C13orf46: variants seen among roughly 807,000 people sequenced by gnomAD.
C13orf46 encodes chromosome 13 open reading frame 46.
chr13:113,934,943 G>A, the C13orf46 span, among the ~76,000 whole-genome samples: 13 of 152,374 alleles, frequency 8.5e-5, no homozygotes, highest in East Asian at 1.9e-4. Flanking sequence ...GAGTGAGGAC[G>A]AGGTATTGGC....
the C13orf46 span, among the ~76,000 whole-genome samples, chr13:113,943,137 T>C: frequency 1.3e-5 from 2 of 152,174 alleles, no homozygotes; most frequent in East Asian, 3.9e-4. Context: ...CGTTGGCTCC[T>C]GTCAACAAAG....
the C13orf46 span, among the ~76,000 whole-genome samples, chr13:113,939,474 G>A: frequency 4.1e-3 from 616 of 152,052 alleles, 10 homozygotes; most frequent in East Asian, 0.049. Flanking sequence ...CCACCTGGAC[G>A]GGGGGAACGG....
the C13orf46 span, among the ~76,000 whole-genome samples, chr13:113,939,541 T>C: frequency 2.6e-5 from 4 of 152,034 alleles, no homozygotes; most frequent in African/African-American, 9.7e-5. Flanking sequence ...GGGGACCACG[T>C]GGATGGGGAG....
chr13:113,958,155 TG>T (rs1363742517), intron 6 of C13orf46, among the ~76,000 whole-genome samples: 119 of 132,794 alleles, frequency 9.0e-4, no homozygotes, highest in Non-Finnish European at 1.5e-3. Flanking sequence ...TCAAGCGCAC[TG>T]GGGGGTCTCC....
the C13orf46 span, among the ~76,000 whole-genome samples, chr13:113,930,468 C>G: frequency 1.3e-5 from 2 of 152,124 alleles, no homozygotes; most frequent in Admixed American, 6.5e-5. Context: ...AGTGATCTCT[C>G]AAGCCTCAGT....
the C13orf46 span, among the ~76,000 whole-genome samples, chr13:113,943,840 A>C: frequency 1.3e-5 from 2 of 152,076 alleles, no homozygotes; most frequent in Non-Finnish European, 2.9e-5. Context: ...ATTCCATGGA[A>C]ACACCTGGTG....
At chr13:113,946,290 G>A in the C13orf46 span, among the ~76,000 whole-genome samples, 17 of 152,294 alleles carry the variant, frequency 1.1e-4, no homozygotes, top group Admixed American at 6.5e-4. Flanking sequence ...AGAAGCACAC[G>A]CACCCCTCTA....
chr13:113,972,916 C>A (rs1219958869), intron 1 of C13orf46, among the ~76,000 whole-genome samples: 1 of 152,236 alleles, frequency 6.6e-6, no homozygotes, highest in Non-Finnish European at 1.5e-5. Flanking sequence ...GGAGCCCCCA[C>A]AGCTCCGCCC....
intron 5 of C13orf46, among the ~76,000 whole-genome samples, chr13:113,965,875 A>G (rs1382652981): frequency 0.079 from 11,648 of 148,290 alleles, 572 homozygotes; most frequent in South Asian, 0.19. Context: ...GGTGATGGTG[A>G]TGATGGTGGT....
the C13orf46 span, among the ~76,000 whole-genome samples, chr13:113,932,098 C>T: frequency 2.6e-5 from 4 of 152,206 alleles, no homozygotes; most frequent in Non-Finnish European, 5.9e-5. Flanking sequence ...AACAATTCAT[C>T]CTTTCAATGC....
At chr13:113,929,351 C>T in the C13orf46 span, among the ~76,000 whole-genome samples, 4 of 152,250 alleles carry the variant, frequency 2.6e-5, no homozygotes, top group Admixed American at 6.5e-5. Context: ...TCCAGAGCCT[C>T]GCTCTGCTCC....
the C13orf46 span, among the ~76,000 whole-genome samples, chr13:113,943,060 A>G: frequency 6.6e-6 from 1 of 152,132 alleles, no homozygotes; most frequent in Admixed American, 6.5e-5. Flanking sequence ...GCTCGGCTCC[A>G]TTTCTGCAAA....
the C13orf46 span, among the ~76,000 whole-genome samples, chr13:113,934,566 C>T: frequency 1.3e-5 from 2 of 152,214 alleles, no homozygotes; most frequent in Non-Finnish European, 1.5e-5. Context: ...CAAGACAACT[C>T]AATGGGAAAA....
intron 6 of C13orf46, among the ~76,000 whole-genome samples, chr13:113,962,972 G>A (rs2052599086): frequency 1.3e-5 from 2 of 152,212 alleles, no homozygotes; most frequent in East Asian, 1.9e-4. Flanking sequence ...TTGGGGCAGA[G>A]TGCAATGTTC....
intron 6 of C13orf46, among the ~76,000 whole-genome samples, chr13:113,963,835 T>C (rs1374089971): frequency 6.6e-6 from 1 of 152,242 alleles, no homozygotes; most frequent in African/African-American, 2.4e-5. Flanking sequence ...AATGACTGGT[T>C]AAAATGTTAA....
intron 1 of C13orf46, among the ~76,000 whole-genome samples, chr13:113,973,564 C>T (rs1055872458): frequency 2.6e-5 from 4 of 152,216 alleles, no homozygotes; most frequent in African/African-American, 9.6e-5. Flanking sequence ...CCGGACAGAA[C>T]CGACGTACCC....
intron 6 of C13orf46, among the ~76,000 whole-genome samples, chr13:113,964,466 C>T (rs1298684500): frequency 2.6e-5 from 4 of 152,162 alleles, no homozygotes; most frequent in Admixed American, 1.3e-4. Flanking sequence ...GGGCCCGAGG[C>T]TTGTTGTGAG....
At chr13:113,970,425 C>T (rs1467037982) in intron 1 of C13orf46, 3 of 152,406 alleles carry the variant, frequency 2.0e-5, no homozygotes, top group Non-Finnish European at 1.5e-5. Flanking sequence ...GGTGCCAGGG[C>T]CTTGAGCCTG....
chr13:113,945,668 GAAAGGAAAGAA>G, the C13orf46 span, among the ~76,000 whole-genome samples: 2 of 133,694 alleles, frequency 1.5e-5, no homozygotes, highest in African/African-American at 5.5e-5. Context: ...AAGAAAGAAA[GAAAGGAAAGAA>G]AAACAAACCA....
Sources: allele counts gnomAD v4.1 joint callset (sites outside exome capture counted in the v4.1 genomes callset), GRCh38; gene constraint gnomAD v4.1.1; transcripts MANE v1.5; gene names NCBI Gene and HGNC (gene_info 2026-07-23, HGNC 2026-07-21).